IKZF3: variants seen among roughly 807,000 people sequenced by gnomAD.
IKZF3 encodes zinc finger protein Aiolos.
IKZF3 carries 10 observed loss-of-function variants against 49.0 expected under a neutral mutation model. That is an observed-to-expected ratio of 0.20 (90% CI 0.13 to 0.35). The LOEUF (loss-of-function observed/expected upper bound fraction) is 0.35. Among genes scored for constraint, IKZF3 ranks in the 10% least tolerant of loss-of-function variants. The pLI is 1.00. For synonymous variants in IKZF3, 209 were observed against 228.2 expected (o/e 0.92, Z 0.76); for missense variants, 498 against 664.8 (o/e 0.75, Z 2.76).
At chr17:39,857,594 C>T (rs1213751654) in intron 1 of IKZF3, among the ~76,000 whole-genome samples, 1 of 152,108 alleles carries the variant, frequency 6.6e-6, no homozygotes, top group East Asian at 1.9e-4. Flanking sequence ...TTGGATTTAG[C>T]CAATACTTCA....
At chr17:39,792,206 G>C (rs2061042011) in intron 4 of IKZF3, among the ~76,000 whole-genome samples, 1 of 152,112 alleles carries the variant, frequency 6.6e-6, no homozygotes, top group African/African-American at 2.4e-5. Context: ...AAGTGCGATG[G>C]TTGTGTTTGT....
chr17:39,783,046 G>A (rs149119284), intron 6 of IKZF3, among the ~76,000 whole-genome samples: 10 of 152,274 alleles, frequency 6.6e-5, no homozygotes, highest in Non-Finnish European at 4.4e-5. Flanking sequence ...GTCATTGGAG[G>A]TTTAACTATG....
chr17:39,853,423 G>A (rs12947480), intron 1 of IKZF3, among the ~76,000 whole-genome samples: 8,819 of 152,134 alleles, frequency 0.058, 406 homozygotes, highest in African/African-American at 0.13. Context: ...AAAAACATAC[G>A]TTAAGTACAT....
At chr17:39,858,485 T>G (rs375673461) in intron 1 of IKZF3, among the ~76,000 whole-genome samples, 3 of 152,138 alleles carry the variant, frequency 2.0e-5, no homozygotes, top group Non-Finnish European at 2.9e-5. Flanking sequence ...CTTTGTTTCA[T>G]ATCCATTACC....
intron 7 of IKZF3, among the ~76,000 whole-genome samples, chr17:39,775,493 A>G (rs897471589): frequency 6.6e-6 from 1 of 152,246 alleles, no homozygotes; most frequent in African/African-American, 2.4e-5. Flanking sequence ...TTTTGAACCC[A>G]TGAAATACCA....
rs1453648430 is a variant in IKZF3, at chr17:39,792,937, C to G, written c.164-4G>C. On this transcript the variant is annotated splice_polypyrimidine_tract_variant and splice_region_variant and intron_variant, in intron 3 of 7. Transcript: ENST00000346872. ...TCTTTCACTTTCATTGAATCATCTG[C>G]AGGGAAGAAAATGCAAGAAATGAAC... 6.2e-7 allele frequency: 1 copy of G among 1,611,600 alleles called. No homozygotes were observed. Among genetic ancestry groups the G allele is most frequent in the Non-Finnish European group, 8.5e-7 (1 of 1,178,940 alleles).
rs538078120 is a variant in IKZF3 at position 39,774,931 on chromosome 17, G to T, written c.826+2720C>A. 2.0e-5 allele frequency among the ~76,000 whole-genome samples: 3 copies of T among 152,266 alleles called. No homozygotes were observed. In the South Asian group the frequency reaches 6.2e-4, roughly 32 times the overall value. Reference sequence around the variant, plus strand: ...TGAGAAAAAGGCTATCTGAAGTTACGCACATGGGCTTTCTAAACACACAGT... The same window carrying T: ...TGAGAAAAAGGCTATCTGAAGTTACTCACATGGGCTTTCTAAACACACAGT... On this transcript the variant is annotated intron_variant, in intron 7 of 7. Coordinates refer to ENST00000346872, the MANE Select transcript of IKZF3 (RefSeq NM_012481.5).
intron 7 of IKZF3, among the ~76,000 whole-genome samples, chr17:39,774,497 C>T (rs1351303744): frequency 1.3e-5 from 2 of 152,170 alleles, no homozygotes; most frequent in African/African-American, 2.4e-5. Context: ...ATCACTTCAT[C>T]TCATACACTG....
At chr17:39,811,622 G>A (rs1168365765) in intron 3 of IKZF3, among the ~76,000 whole-genome samples, 7 of 152,116 alleles carry the variant, frequency 4.6e-5, no homozygotes. Context: ...AGCATTTCAA[G>A]AACACTACTA....
chr17:39,798,272 C>A (rs1275692596), intron 3 of IKZF3, among the ~76,000 whole-genome samples: 1 of 151,004 alleles, frequency 6.6e-6, no homozygotes, highest in African/African-American at 2.5e-5. Flanking sequence ...TACCTCTGGT[C>A]ATGTCATAGC....
At chr17:39,846,077 A>G (rs1424090918) in intron 1 of IKZF3, among the ~76,000 whole-genome samples, 1 of 152,122 alleles carries the variant, frequency 6.6e-6, no homozygotes, top group African/African-American at 2.4e-5. Flanking sequence ...TCTAGTTAAT[A>G]CCTATTTCAT....
At chr17:39,786,661 G>T (rs1024186292) in intron 6 of IKZF3, among the ~76,000 whole-genome samples, 2 of 152,006 alleles carry the variant, frequency 1.3e-5, no homozygotes, top group Non-Finnish European at 2.9e-5. Flanking sequence ...GTCTTGCTTT[G>T]TTGCCCAGGT....
At chr17:39,796,907 G>T (rs907499197) in intron 3 of IKZF3, among the ~76,000 whole-genome samples, 10 of 148,602 alleles carry the variant, frequency 6.7e-5, no homozygotes, top group Non-Finnish European at 1.5e-4. Context: ...GCTCACACCT[G>T]TAATTCCAGC....
intron 3 of IKZF3, among the ~76,000 whole-genome samples, chr17:39,811,508 A>T (rs746657161): frequency 6.6e-6 from 1 of 152,208 alleles, no homozygotes; most frequent in Non-Finnish European, 1.5e-5. Context: ...GCAGTCTTCT[A>T]GGCAGATCAG....
intron 6 of IKZF3, among the ~76,000 whole-genome samples, chr17:39,780,572 G>C (rs2060715992): frequency 1.3e-5 from 2 of 151,910 alleles, no homozygotes; most frequent in Admixed American, 6.6e-5. Flanking sequence ...TGCTCAGTCT[G>C]GTCTCCAACT....
chr17:39,811,694 C>A (rs1325845388), intron 3 of IKZF3, among the ~76,000 whole-genome samples: 1 of 152,110 alleles, frequency 6.6e-6, no homozygotes, highest in East Asian at 1.9e-4. Flanking sequence ...GTTAATGAAC[C>A]AATAATTATT....
At chr17:39,809,684 T>C (rs1311522420) in intron 3 of IKZF3, among the ~76,000 whole-genome samples, 2 of 152,206 alleles carry the variant, frequency 1.3e-5, no homozygotes, top group Non-Finnish European at 2.9e-5. Context: ...AAAACTGTTT[T>C]CCACATTTCC....
Position 39,762,490 on chromosome 17 carries a change from C to A in IKZF3, c.*3300G>T, listed in dbSNP as rs1257569501. The A allele has an allele frequency of 6.6e-6, 1 of 152,140 alleles. No homozygotes were observed. The highest frequency in any genetic ancestry group is 1.5e-5 in the Non-Finnish European group (1 of 68,034). The allele number at this position is 152,140 out of a possible 1,614,324, so 9.4% of individuals were successfully genotyped here. A position where few individuals can be genotyped will look rare whatever the true frequency, so the allele number is the denominator to read the frequency against. On this transcript the variant is annotated 3_prime_UTR_variant, in exon 8 of 8. Coordinates refer to ENST00000346872, the MANE Select transcript of IKZF3 (RefSeq NM_012481.5). Reference sequence around the variant, plus strand: ...AAACTAACCTCAGAAGAATAGAAATCATGCAGCAAATTCATTAGTCACAGG... The same window carrying A: ...AAACTAACCTCAGAAGAATAGAAATAATGCAGCAAATTCATTAGTCACAGG...
At chr17:39,808,282 C>A (rs1471326088) in intron 3 of IKZF3, among the ~76,000 whole-genome samples, 1 of 152,044 alleles carries the variant, frequency 6.6e-6, no homozygotes, top group African/African-American at 2.4e-5. Flanking sequence ...ACAAAATTAA[C>A]AAGAATTAGC....
Sources: gnomAD v4.1 joint callset for allele counts (sites outside exome capture counted in the v4.1 genomes callset) on GRCh38, gnomAD v4.1.1 for gene constraint, MANE v1.5 for transcripts, NCBI Gene and HGNC (gene_info 2026-07-23, HGNC 2026-07-21) for gene names.